Variants in HGS observed in about 807,000 individuals in gnomAD.
The protein encoded by HGS is human growth factor-regulated tyrosine kinase substrate.
Under a neutral mutation model 109.7 loss-of-function variants are expected in HGS, and 63 were observed. That is an observed-to-expected ratio of 0.57 (90% CI 0.47 to 0.71). The LOEUF is 0.71. HGS is among the 30% of genes least tolerant of loss of function. The pLI is 0.00. For missense variants in HGS, 995 were observed against 1,068.3 expected (o/e 0.93, Z 0.96); for synonymous variants, 546 against 437.3 (o/e 1.25, Z -3.10).
In HGS at chr17:81,694,840, A is replaced by G. The variant is rs781364021; in HGVS notation, c.962A>G (p.Asp321Gly). ...PVNSSAPLAE[D>G]IDPELARYLN... The stretch of plus-strand genomic sequence containing the variant: ...AACTCGTCGGCGCCTCTGGCTGAGG[A>G]CATCGACCCTGAGGTAAGGCCCAGC... The change falls in exon 12 of 22, where the codon GAC becomes GGC. Residue 321 changes from aspartate (D) to glycine (G), a missense_variant. Physicochemically the swap from Asp to Gly is moderately conservative, Grantham distance 94 (BLOSUM62 -1). This residue lies in a region of HGS where 300 missense variants were observed against 235.4 expected (regional missense o/e 1.27). Transcript: ENST00000329138. The G allele has an allele frequency of 1.2e-6, 2 of 1,614,224 alleles. No individual in the cohort carries two copies. The highest frequency in any genetic ancestry group is 3.3e-5 in the Admixed American group (2 of 60,034).
Position 81,700,824 on chromosome 17 carries a change from C to A in HGS, c.2136+10C>A. ...GCCTTACAACATGCAGGTACAGTGACCTCCAGGCCCTGCTGGGGGCCAGGG... is the reference window on the plus strand; with the variant it reads ...GCCTTACAACATGCAGGTACAGTGAACTCCAGGCCCTGCTGGGGGCCAGGG... On this transcript the variant is annotated intron_variant, in intron 20 of 21. Transcript: ENST00000329138. The A allele has an allele frequency of 1.2e-6, 2 of 1,606,466 alleles. No homozygotes were observed. The highest frequency in any genetic ancestry group is 1.1e-5 in the South Asian group (1 of 90,608).
In HGS at chr17:81,696,955, C is replaced by A. The variant is rs2144502083; in HGVS notation, c.1839C>A (p.Ala613=). Residue 613 remains alanine (A), a synonymous_variant, in exon 18 of 22, where the codon GCC becomes GCA. Transcript: ENST00000329138. ...PMHGVYMSQP[A]PAAGPYPSMP... ...ACGGCGTGTACATGAGCCAGCCGGC[C>A]CCTGCCGCTGGCCCCTACCCCAGCA... 1 of 1,603,114 alleles carries A rather than the reference C, an allele frequency of 6.2e-7. No homozygotes were observed. Among genetic ancestry groups the A allele is most frequent in the East Asian group, 2.2e-5 (1 of 44,814 alleles).
chr17:81,691,186 A>C lies in HGS; in HGVS notation c.538-261A>C. ...CACTCACAAAAGCTCTTGTTTTATC[A>C]GCAGAATTGATGTGTATTTTTTCCT... On this transcript the variant is annotated intron_variant, in intron 7 of 21. Coordinates refer to ENST00000329138, the MANE Select transcript of HGS (RefSeq NM_004712.5). The surrounding 1 kb of genome is among the most constrained non-coding windows in gnomAD (Gnocchi z 5.3). 2.0e-6 allele frequency: 1 copy of C among 502,894 alleles called. No homozygotes were observed. Among genetic ancestry groups the C allele is most frequent in the Non-Finnish European group, 3.6e-6 (1 of 276,512 alleles). 31.2% of individuals were successfully genotyped at this position (502,894 alleles called of 1,614,324 possible).
At chr17:81,694,126 C>T (rs1038774993) in intron 11 of HGS, among the ~76,000 whole-genome samples, 161 bp downstream of exon 11, 3 of 152,166 alleles carry the variant, frequency 2.0e-5, no homozygotes, top group Non-Finnish European at 4.4e-5. Flanking sequence ...AGGGCAGAGC[C>T]CCACGGCTCC....
intron 14 of HGS, among the ~76,000 whole-genome samples, chr17:81,695,432 ACT>A (rs1243723831): frequency 6.6e-6 from 1 of 152,012 alleles, no homozygotes; most frequent in Non-Finnish European, 1.5e-5. Context: ...AGCTCGGGCC[ACT>A]CTCTGTGGAC....
At chr17:81,688,979 C>A in intron 5 of HGS, 152 bp downstream of exon 5, 1 of 1,078,024 alleles carries the variant, frequency 9.3e-7, no homozygotes, top group Non-Finnish European at 1.4e-6. Context: ...GAAGACCGTG[C>A]ATGTGAGGGC....
chr17:81,695,757 A>G (rs965001400), intron 14 of HGS, 29 bp from the exon 15 acceptor site: 22 of 1,609,002 alleles, frequency 1.4e-5, no homozygotes, highest in Non-Finnish European at 1.8e-5. Flanking sequence ...GCGTGGCCGC[A>G]CTCATCCAGA....
chr17:81,700,931 C>G, intron 20 of HGS, 114 bp from the exon 21 acceptor site: 1 of 1,521,572 alleles, frequency 6.6e-7, no homozygotes, highest in Non-Finnish European at 9.1e-7. Flanking sequence ...TGCTCCTCCC[C>G]CTCCACTCTC....
chr17:81,701,299 C>T (rs2144509093), intron 21 of HGS, 168 bp downstream of exon 21: 2 of 799,360 alleles, frequency 2.5e-6, no homozygotes, highest in South Asian at 1.7e-5. Flanking sequence ...ACACAAGTCT[C>T]AGGGCAGATA....
At position 81,688,772 on chromosome 17, in the gene HGS, G is replaced by A; in HGVS notation, c.360G>A (p.Arg120=). The A allele has an allele frequency of 1.9e-6, 3 of 1,614,162 alleles. No homozygotes were observed. The highest frequency in any genetic ancestry group is 2.5e-6 in the Non-Finnish European group (3 of 1,180,012). The change falls in exon 5 of 22, where the codon CGG becomes CGA. Residue 120 remains arginine (R), a synonymous_variant. Transcript: ENST00000329138. ...YLIQAWAHAF[R]NEPKYKVVQD... ...TCCAGGCCTGGGCGCATGCCTTCCG[G>A]AACGAGCCCAAGTACAAGGTGGTCC...
At chr17:81,684,389 T>G in intron 1 of HGS, 1 of 330,186 alleles carries the variant, frequency 3.0e-6, no homozygotes, top group Admixed American at 4.9e-5. Flanking sequence ...ATTCGGCCGA[T>G]TTCCTCTTGA....
chr17:81,686,259 T>A, intron 2 of HGS, 53 bp from the exon 3 acceptor site: 1 of 1,474,780 alleles, frequency 6.8e-7, no homozygotes, highest in Non-Finnish European at 9.5e-7. Context: ...TCTTAGTTGC[T>A]GAGACTATTT....
intron 21 of HGS, 165 bp downstream of exon 21, chr17:81,701,296 T>C (rs1416277307): frequency 1.2e-6 from 1 of 801,450 alleles, no homozygotes; most frequent in African/African-American, 1.7e-5. Flanking sequence ...AGGACACAAG[T>C]CTCAGGGCAG....
intron 20 of HGS, 65 bp downstream of exon 20, chr17:81,700,879 C>T: frequency 6.3e-7 from 1 of 1,581,782 alleles, no homozygotes; most frequent in Non-Finnish European, 8.6e-7. Context: ...GCTGAGGGTC[C>T]TTTGGTGAGG....
chr17:81,690,645 G>T (rs145059703), intron 6 of HGS, 29 bp from the exon 7 acceptor site: 5 of 1,602,056 alleles, frequency 3.1e-6, no homozygotes, highest in East Asian at 2.2e-5. Flanking sequence ...GGCGGGAAGC[G>T]TGTGGTCCTG....
At chr17:81,684,795 T>A (rs2036946266) in intron 1 of HGS, 1 of 540,536 alleles carries the variant, frequency 1.9e-6, no homozygotes, top group Non-Finnish European at 2.4e-6. Flanking sequence ...TGCCCAAGCT[T>A]GCCTTTTTGT....
Position 81,700,686 on chromosome 17 carries a change from C to T in HGS, c.2017-9C>T, listed in dbSNP as rs776195281. On this transcript the variant is annotated splice_polypyrimidine_tract_variant and intron_variant, in intron 19 of 21. Coordinates refer to ENST00000329138, the MANE Select transcript of HGS (RefSeq NM_004712.5). Reference sequence around the variant, plus strand: ...GCCCCTTCTCCCATGGCACTCATTCCCTCCGCAGAACGTGGCCTCCCAGGC... The same window carrying T: ...GCCCCTTCTCCCATGGCACTCATTCTCTCCGCAGAACGTGGCCTCCCAGGC... 2.9e-5 allele frequency: 47 copies of T among 1,607,796 alleles called. No individual in the cohort carries two copies. Among genetic ancestry groups the T allele is most frequent in the Non-Finnish European group, 3.9e-5 (46 of 1,177,356 alleles).
chr17:81,685,157 C>A, intron 1 of HGS: 1 of 748,064 alleles, frequency 1.3e-6, no homozygotes. Flanking sequence ...GTCTACACTG[C>A]AGGCCTCTCT....
rs1485525034 is a variant in HGS, at chr17:81,693,913, T to TGCCCTCGGCCTCCTCAGC, written c.889_906dup (p.Ser297_Pro302dup). ...ACTTCGTACCCCAAGGCGGAGCCCA[T>TGCCCTCGGCCTCCTCAGC]GCCCTCGGCCTCCTCAGCGCCCCCC... On this transcript the variant is annotated inframe_insertion, in exon 11 of 22. Transcript: ENST00000329138. 6.2e-7 allele frequency: 1 copy of TGCCCTCGGCCTCCTCAGC among 1,611,808 alleles called. No individual in the cohort carries two copies. The highest frequency in any genetic ancestry group is 8.5e-7 in the Non-Finnish European group (1 of 1,179,814).
Sources: gnomAD v4.1 joint callset for allele counts (sites outside exome capture counted in the v4.1 genomes callset) on GRCh38, gnomAD v4.1.1 for gene constraint, gnomAD v4.1.1 regional missense constraint, Gnocchi (gnomAD v3.1) non-coding constraint, MANE v1.5 for transcripts, NCBI Gene and HGNC (gene_info 2026-07-23, HGNC 2026-07-21) for gene names.